Variants in SCAPER observed in about 807,000 individuals in gnomAD.
SCAPER encodes the protein S-phase cyclin A associated protein in the ER.
SCAPER carries 98 observed loss-of-function variants against 182.2 expected under a neutral mutation model. That is an observed-to-expected ratio of 0.54 (90% confidence interval 0.46 to 0.64). The LOEUF (loss-of-function observed/expected upper bound fraction) is 0.64, where lower values mean the gene tolerates loss of function less well. Ranked by LOEUF, SCAPER falls within the 30% of genes least tolerant of loss-of-function variation. The pLI is 0.00. For missense variants in SCAPER, 1,432 were observed against 1,690.0 expected (o/e 0.85, Z 2.68); for synonymous variants, 605 against 564.6 (o/e 1.07, Z -1.01).
chr15:76,559,827 C>G (rs780117723), intron 23 of SCAPER, among the ~76,000 whole-genome samples: 1 of 152,034 alleles, frequency 6.6e-6, no homozygotes, highest in Non-Finnish European at 1.5e-5. Flanking sequence ...ACCTGTACAC[C>G]AAATCCCCAT....
Position 76,603,142 on chromosome 15 carries a change from G to A in SCAPER, c.2711+18622C>T, listed in dbSNP as rs549494710. Among the ~76,000 whole-genome samples the A allele has an allele frequency of 1.4e-4, 17 of 117,904 alleles. 5 individuals carry two copies. Among genetic ancestry groups the A allele is most frequent in the South Asian group, 1.3e-3 (5 of 3,754 alleles). The allele number at this position is 117,904 out of a possible 152,430, so 77.3% of individuals were successfully genotyped here. On this transcript the variant is annotated intron_variant, in intron 22 of 31. Coordinates refer to ENST00000563290, the MANE Select transcript of SCAPER (RefSeq NM_020843.4). ...GTTGGTGTGCTGCACCCATTAACTCGTCATTTAGCATTAGGTATATCTCCT... is the reference window on the plus strand; with the variant it reads ...GTTGGTGTGCTGCACCCATTAACTCATCATTTAGCATTAGGTATATCTCCT...
chr15:76,622,415 T>C (rs2052170404), intron 21 of SCAPER, among the ~76,000 whole-genome samples: 1 of 148,790 alleles, frequency 6.7e-6, no homozygotes. Flanking sequence ...CAATGACAGG[T>C]GAAAAAAAAA....
At chr15:76,703,050 T>C (rs769738980) in intron 18 of SCAPER, 48 bp from the exon 19 acceptor site, 23 of 1,505,148 alleles carry the variant, frequency 1.5e-5, no homozygotes, top group Middle Eastern at 3.6e-4. Context: ...ATTCAAATTA[T>C]GGTGAGAAAT....
intron 15 of SCAPER, among the ~76,000 whole-genome samples, chr15:76,750,901 A>C (rs11072619): frequency 0.34 from 51,238 of 151,618 alleles, 8,932 homozygotes; most frequent in East Asian, 0.55. Context: ...AAAAATTAGG[A>C]AAGTAAAAGA....
intron 22 of SCAPER, among the ~76,000 whole-genome samples, chr15:76,609,028 G>A (rs1029821925): frequency 4.6e-5 from 7 of 152,124 alleles, no homozygotes; most frequent in Admixed American, 6.5e-5. Flanking sequence ...TGTGCCTACC[G>A]TCCTGCCCCT....
At position 76,379,017 on chromosome 15, in the gene SCAPER, G is replaced by A. The variant is rs549908537; in HGVS notation, c.3705+2361C>T. On this transcript the variant is annotated intron_variant, in intron 28 of 31. Coordinates refer to ENST00000563290, the MANE Select transcript of SCAPER (RefSeq NM_020843.4). ...CTGTGATAAGCCCCATCTGAATTCT[G>A]AACTCCTAGAATCTGTGATCAGAAA... 2.4e-4 allele frequency among the ~76,000 whole-genome samples: 37 copies of A among 152,228 alleles called. No individual in the cohort carries two copies. The Middle Eastern group carries it at 0.01, about 42-fold the overall frequency.
intron 27 of SCAPER, among the ~76,000 whole-genome samples, chr15:76,385,767 G>A (rs890022085): frequency 6.6e-6 from 1 of 152,156 alleles, no homozygotes; most frequent in Non-Finnish European, 1.5e-5. Flanking sequence ...TGTGCTCTGG[G>A]AACTCTGAGC....
In SCAPER at chr15:76,860,135, TCTTTC is replaced by T. The variant is rs535641098; in HGVS notation, c.125-2261_125-2257del. On this transcript the variant is annotated intron_variant, in intron 3 of 31. Coordinates refer to ENST00000563290, the MANE Select transcript of SCAPER (RefSeq NM_020843.4). ...GTACAGATGTTTGATTATTATATTT[TCTTTC>T]CTTTGTTTTTTGAATAGAAACAACT... Among the ~76,000 whole-genome samples the T allele has an allele frequency of 7.2e-4, 110 of 152,330 alleles. 1 individual carries two copies. The highest frequency in any genetic ancestry group is 2.6e-3 in the African/African-American group (108 of 41,584).
chr15:76,654,741 T>A (rs910190730), intron 21 of SCAPER, among the ~76,000 whole-genome samples: 1 of 152,210 alleles, frequency 6.6e-6, no homozygotes, highest in Admixed American at 6.5e-5. Flanking sequence ...GCATCCTGCT[T>A]TCCCTGGCCT....
chr15:76,769,960 T>C (rs1474700151), intron 10 of SCAPER, among the ~76,000 whole-genome samples: 2 of 152,122 alleles, frequency 1.3e-5, no homozygotes, highest in African/African-American at 2.4e-5. Context: ...AACCCAAATG[T>C]CCATCAATGA....
At position 76,827,335 on chromosome 15, in the gene SCAPER, GC is replaced by G. The variant is rs571609447; in HGVS notation, c.393+14398del. On this transcript the variant is annotated intron_variant, in intron 5 of 31. Coordinates refer to ENST00000563290, the MANE Select transcript of SCAPER (RefSeq NM_020843.4). Reference sequence around the variant, plus strand: ...ATACGTCTCCACTTGGAATCCCATAGCCTGTGGACTCGGTCCTGAGGACTCA... The same window carrying G: ...ATACGTCTCCACTTGGAATCCCATAGCTGTGGACTCGGTCCTGAGGACTCA... Among the ~76,000 whole-genome samples, 337 of 152,266 alleles carry G rather than the reference GC, an allele frequency of 2.2e-3. 1 individual carries two copies. The highest frequency in any genetic ancestry group is 7.8e-3 in the African/African-American group (323 of 41,568).
At chr15:76,454,214 G>C (rs948269642) in intron 25 of SCAPER, among the ~76,000 whole-genome samples, 2 of 151,776 alleles carry the variant, frequency 1.3e-5, no homozygotes, top group African/African-American at 2.4e-5. Context: ...TTATCCTTCA[G>C]GTCTCAGTTT....
intron 15 of SCAPER, among the ~76,000 whole-genome samples, chr15:76,747,985 T>A (rs1482056370): frequency 6.6e-6 from 1 of 151,934 alleles, no homozygotes; most frequent in Non-Finnish European, 1.5e-5. Context: ...GATATTCTTT[T>A]TTTTTTTTTC....
intron 23 of SCAPER, among the ~76,000 whole-genome samples, chr15:76,505,761 A>C (rs2041518397): frequency 6.6e-6 from 1 of 152,198 alleles, no homozygotes; most frequent in Non-Finnish European, 1.5e-5. Flanking sequence ...AAAAGAAAGG[A>C]GATCCATATA....
intron 28 of SCAPER, among the ~76,000 whole-genome samples, chr15:76,378,360 T>G (rs1178752552): frequency 2.6e-5 from 4 of 152,210 alleles, no homozygotes; most frequent in African/African-American, 9.7e-5. Flanking sequence ...CCTTCCTTCT[T>G]TCCACTTAAA....
chr15:76,653,460 G>C (rs1003807504), intron 21 of SCAPER, among the ~76,000 whole-genome samples: 20 of 152,102 alleles, frequency 1.3e-4, no homozygotes, highest in African/African-American at 4.8e-4. Context: ...CCAACTTCAA[G>C]CTATACTATA....
chr15:76,792,382 A>C (rs1000021946), intron 8 of SCAPER, among the ~76,000 whole-genome samples: 1 of 152,014 alleles, frequency 6.6e-6, no homozygotes, highest in African/African-American at 2.4e-5. Flanking sequence ...TGGCAATCTA[A>C]AGTTAGATTG....
intron 1 of SCAPER, among the ~76,000 whole-genome samples, chr15:76,884,617 G>C (rs572456211): frequency 2.0e-5 from 3 of 152,250 alleles, no homozygotes; most frequent in Non-Finnish European, 4.4e-5. Flanking sequence ...CCTCCTTCTG[G>C]AAGAAAATCT....
chr15:76,425,777 C>G (rs899606261), intron 26 of SCAPER, among the ~76,000 whole-genome samples: 2 of 152,076 alleles, frequency 1.3e-5, no homozygotes, highest in Non-Finnish European at 2.9e-5. Flanking sequence ...ATGATGGTGA[C>G]GTACAGATGG....
Sources: gnomAD v4.1 joint callset for allele counts (sites outside exome capture counted in the v4.1 genomes callset) on GRCh38, gnomAD v4.1.1 for gene constraint, MANE v1.5 for transcripts, NCBI Gene and HGNC (gene_info 2026-07-23, HGNC 2026-07-21) for gene names.